The following AUTS2 variants were observed in gnomAD, a reference collection of about 807,000 sequenced individuals.
AUTS2 encodes activator of transcription and developmental regulator AUTS2.
A neutral mutation model predicts 112.4 loss-of-function variants in AUTS2; 17 were observed. The observed-to-expected ratio is 0.15, with a 90% confidence interval of 0.10 to 0.23. The LOEUF (loss-of-function observed/expected upper bound fraction) is 0.23, where lower values mean the gene tolerates loss of function less well. Ranked by LOEUF, AUTS2 falls within the 10% of genes least tolerant of loss-of-function variation. The pLI is 1.00. For missense variants in AUTS2, 1,510 were observed against 1,701.6 expected, an observed-to-expected ratio of 0.89 and a Z score of 1.98; for synonymous variants, 751 against 702.7, an observed-to-expected ratio of 1.07 and a Z score of -1.09.
chr7:70,076,779 C>T (rs1803056287), intron 2 of AUTS2, among the ~76,000 whole-genome samples: 1 of 152,102 alleles, frequency 6.6e-6, no homozygotes. Flanking sequence ...AAATGGGAAA[C>T]CCTGTGTCTG....
intron 2 of AUTS2, among the ~76,000 whole-genome samples, chr7:70,017,428 A>G (rs937545233): frequency 2.0e-5 from 3 of 152,352 alleles, no homozygotes; most frequent in East Asian, 3.9e-4. Context: ...CACAGTCCTT[A>G]ATCACTGTAA....
rs58937699 is a variant in AUTS2, at chr7:69,799,125, A to G, written c.310-100161A>G. On this transcript the variant is annotated intron_variant, in intron 1 of 18. Coordinates refer to ENST00000342771, the MANE Select transcript of AUTS2 (RefSeq NM_015570.4). ...ATCAGTTTATGCCTTCCCTGGATCC[A>G]GGGTGAACTTGTTTTGAGGACCACT... Among the ~76,000 whole-genome samples the G allele has an allele frequency of 5.8e-3, 887 of 152,052 alleles. 9 individuals are homozygous for G. The highest frequency in any genetic ancestry group is 0.02 in the African/African-American group (840 of 41,458).
intron 5 of AUTS2, among the ~76,000 whole-genome samples, chr7:70,462,953 G>A (rs901914445): frequency 4.1e-5 from 6 of 146,776 alleles, no homozygotes; most frequent in African/African-American, 9.9e-5. Flanking sequence ...GCGAGACTCC[G>A]TCTCAAAAAA....
At chr7:69,996,927 C>T (rs1174883740) in intron 2 of AUTS2, among the ~76,000 whole-genome samples, 11 of 129,394 alleles carry the variant, frequency 8.5e-5, no homozygotes, top group African/African-American at 6.0e-5. Context: ...GCTCCTTTTT[C>T]GAAATAACCT....
At chr7:70,364,557 T>A (rs1027918678) in intron 4 of AUTS2, among the ~76,000 whole-genome samples, 8 of 142,562 alleles carry the variant, frequency 5.6e-5, no homozygotes, top group Admixed American at 1.5e-4. Context: ...AAAGCAAGAC[T>A]CTGTCTCAAA....
chr7:70,744,118 T>G (rs1396661820), intron 6 of AUTS2, among the ~76,000 whole-genome samples: 1 of 152,204 alleles, frequency 6.6e-6, no homozygotes, highest in Non-Finnish European at 1.5e-5. Flanking sequence ...AAACAGGTTT[T>G]GTTTTTCCTC....
At chr7:70,580,101 G>A (rs578038588) in intron 5 of AUTS2, among the ~76,000 whole-genome samples, 19 of 152,214 alleles carry the variant, frequency 1.2e-4, no homozygotes, top group East Asian at 5.8e-4. Flanking sequence ...GCACTGACTC[G>A]GTGGTGTGCA....
chr7:70,258,111 G>A (rs1297358108), intron 4 of AUTS2, among the ~76,000 whole-genome samples: 1 of 152,216 alleles, frequency 6.6e-6, no homozygotes, highest in African/African-American at 2.4e-5. Context: ...TCAGCGAGAC[G>A]ATGATTGTTT....
At chr7:70,377,550 C>T (rs530325150) in intron 4 of AUTS2, among the ~76,000 whole-genome samples, 2 of 150,500 alleles carry the variant, frequency 1.3e-5, no homozygotes, top group African/African-American at 2.4e-5. Context: ...TTCGCATTGT[C>T]GTACAGCCAT....
chr7:69,704,564 C>T (rs776212575), intron 1 of AUTS2, among the ~76,000 whole-genome samples: 31 of 152,274 alleles, frequency 2.0e-4, no homozygotes, highest in Admixed American at 9.8e-4. Context: ...CCACGGCACC[C>T]GGCCTCTAAA....
intron 2 of AUTS2, among the ~76,000 whole-genome samples, chr7:70,067,674 C>T (rs1478720892): frequency 6.6e-6 from 1 of 152,008 alleles, no homozygotes; most frequent in African/African-American, 2.4e-5. Flanking sequence ...AGAGAGATCC[C>T]ATCTCTACAA....
intron 4 of AUTS2, among the ~76,000 whole-genome samples, chr7:70,254,875 T>C (rs1306463274): frequency 1.3e-5 from 2 of 152,174 alleles, no homozygotes; most frequent in Non-Finnish European, 2.9e-5. Flanking sequence ...TCAGGATGTA[T>C]GTGTTTTAAA....
intron 2 of AUTS2, among the ~76,000 whole-genome samples, chr7:70,066,803 G>A (rs373543183): frequency 6.6e-6 from 1 of 152,174 alleles, no homozygotes; most frequent in Non-Finnish European, 1.5e-5. Flanking sequence ...GCCTCCCAAA[G>A]TGCTGGGGTT....
At chr7:70,422,639 A>G (rs55981021) in intron 4 of AUTS2, among the ~76,000 whole-genome samples, 16,592 of 152,176 alleles carry the variant, frequency 0.11, 1,027 homozygotes, top group Middle Eastern at 0.19. Context: ...TTAGCCAGGC[A>G]TGGTGGCGCA....
At chr7:69,723,792 C>T (rs1279727389) in intron 1 of AUTS2, among the ~76,000 whole-genome samples, 1 of 152,160 alleles carries the variant, frequency 6.6e-6, no homozygotes, top group African/African-American at 2.4e-5. Context: ...GAGCTTCACA[C>T]CCCAGTCCAC....
intron 2 of AUTS2, among the ~76,000 whole-genome samples, chr7:69,934,562 AGACATAATGAGAGTCATTAT>A (rs1392187873): frequency 2.6e-5 from 4 of 152,232 alleles, no homozygotes. Flanking sequence ...AAAATGCACC[AGACATAATGAGAGTCATTAT>A]GAACTGCTGA....
chr7:69,826,663 C>G (rs1584302341), intron 1 of AUTS2, among the ~76,000 whole-genome samples: 1 of 152,186 alleles, frequency 6.6e-6, no homozygotes, highest in African/African-American at 2.4e-5. Context: ...GAATTCTGAT[C>G]TTGCCTCTCC....
At chr7:70,036,287 A>G (rs1347449713) in intron 2 of AUTS2, among the ~76,000 whole-genome samples, 4 of 152,254 alleles carry the variant, frequency 2.6e-5, no homozygotes, top group Non-Finnish European at 4.4e-5. Context: ...GTATTCCATG[A>G]TAAGTGTAAT....
chr7:70,237,780 G>A (rs184716136), intron 4 of AUTS2, among the ~76,000 whole-genome samples: 1 of 152,254 alleles, frequency 6.6e-6, no homozygotes, highest in East Asian at 1.9e-4. Flanking sequence ...TGAAATTGCT[G>A]AACAGATGTG....
Sources: allele counts gnomAD v4.1 joint callset (sites outside exome capture counted in the v4.1 genomes callset), GRCh38; gene constraint gnomAD v4.1.1; transcripts MANE v1.5; gene names NCBI Gene and HGNC (gene_info 2026-07-23, HGNC 2026-07-21).